Variants in PIK3R4 observed in about 807,000 individuals in gnomAD.
The protein encoded by PIK3R4 is phosphoinositide-3-kinase regulatory subunit 4.
Under a neutral mutation model 136.5 loss-of-function variants are expected in PIK3R4, and 46 were observed. The observed-to-expected ratio is 0.34, with a 90% CI of 0.27 to 0.43. PIK3R4 has a LOEUF of 0.43. Among genes scored for constraint, PIK3R4 ranks in the 20% least tolerant of loss-of-function variants. The probability of loss-of-function intolerance (pLI) is 1.00; values close to 1 mark genes in which losing one functional copy is unlikely to be tolerated. For synonymous variants in PIK3R4, 557 were observed against 566.7 expected (o/e 0.98, Z 0.24); for missense variants, 1,331 against 1,649.5 (o/e 0.81, Z 3.35).
Position 130,718,579 on chromosome 3 carries a change from A to G in PIK3R4, c.1982-45T>C, listed in dbSNP as rs527865031. On this transcript the variant is annotated intron_variant, in intron 7 of 19. Coordinates refer to ENST00000356763, the MANE Select transcript of PIK3R4 (RefSeq NM_014602.3). ...GTAGGGATCAAATAAGTTATTTCAA[A>G]CTATCGGGATAAACAAATTTTTACC... is the stretch of plus-strand genomic sequence containing the variant. 2.5e-6 allele frequency: 4 copies of G among 1,602,224 alleles called. No individual in the cohort carries two copies. The African/African-American group carries it at 5.4e-5, about 21-fold the overall frequency.
In PIK3R4 at chr3:130,733,863, C is replaced by G. The variant is rs1429832825; in HGVS notation, c.1135G>C (p.Val379Leu). The change falls in exon 4 of 20, where the codon GTA becomes CTA. Residue 379 changes from valine (V) to leucine (L), a missense_variant. Val to Leu is a conservative substitution (Grantham distance 32). This residue lies in a region of PIK3R4 where 1,180 missense variants were observed against 1,407.0 expected (regional missense o/e 0.84). Transcript: ENST00000356763. ...EPKENGLVIL[V>L]SVITSCLQTL... Reference sequence around the variant, plus strand: ...TGTAGGCAGGATGTTATAACAGATACCAAGATAACCAGCCCATTTTCCTTA... The same window carrying G: ...TGTAGGCAGGATGTTATAACAGATAGCAAGATAACCAGCCCATTTTCCTTA... 1 of 1,614,128 alleles carries G rather than the reference C, an allele frequency of 6.2e-7. No homozygotes were observed.
Position 130,744,596 on chromosome 3 carries a change from A to T in PIK3R4, c.623T>A (p.Phe208Tyr), listed in dbSNP as rs752070041. Residue 208 changes from phenylalanine (F) to tyrosine (Y), a missense_variant, in exon 2 of 20, where the codon TTT becomes TAT. Phe to Tyr is a conservative substitution (Grantham distance 22). Transcript: ENST00000356763. Reference protein sequence around the residue: ...APERFVDGGMFATELEYMRDP... With the variant: ...APERFVDGGMYATELEYMRDP... ...TCTCATATATTCTAACTCAGTGGCA[A>T]ACATCCCACCATCAACAAAACGTTC... 1 of 1,614,238 alleles carries T rather than the reference A, an allele frequency of 6.2e-7. No individual in the cohort carries two copies.
rs927099838 is a variant in PIK3R4 at position 130,733,567 on chromosome 3, G to A, written c.1431C>T (p.Ile477=). The A allele has an allele frequency of 1.9e-6, 3 of 1,611,020 alleles. No individual in the cohort carries two copies. Among genetic ancestry groups the A allele is most frequent in the Admixed American group, 1.7e-5 (1 of 60,014 alleles). Reference sequence around the variant, plus strand: ...TCTTACCAGCATAGGCTAGTCTAACGATAGTAGCATCATCTTGGGCTAAGT... The same window carrying A: ...TCTTACCAGCATAGGCTAGTCTAACAATAGTAGCATCATCTTGGGCTAAGT... ...IAHLAQDDAT[I]VRLAYAENIA... The change falls in exon 4 of 20, where the codon ATC becomes ATT. Residue 477 remains isoleucine (I), a synonymous_variant. Transcript: ENST00000356763.
chr3:130,718,306 A>T (rs2066678025), intron 8 of PIK3R4, 83 bp downstream of exon 8: 2 of 1,184,950 alleles, frequency 1.7e-6, no homozygotes, highest in Non-Finnish European at 2.4e-6. Flanking sequence ...AAAAAATGTT[A>T]AGAAAAATAG....
intron 7 of PIK3R4, 64 bp downstream of exon 7, chr3:130,723,350 T>C: frequency 7.1e-7 from 1 of 1,402,776 alleles, no homozygotes; most frequent in Non-Finnish European, 9.8e-7. Flanking sequence ...CAATTCTTTA[T>C]ATTACCTAGA....
intron 4 of PIK3R4, among the ~76,000 whole-genome samples, chr3:130,731,099 A>G (rs1219950673): frequency 8.5e-5 from 13 of 152,110 alleles, no homozygotes; most frequent in Non-Finnish European, 1.5e-4. Flanking sequence ...CACCACTACA[A>G]AATAACTACT....
intron 13 of PIK3R4, among the ~76,000 whole-genome samples, chr3:130,694,343 TG>T (rs1016327763): frequency 5.9e-5 from 9 of 152,098 alleles, no homozygotes; most frequent in African/African-American, 2.2e-4. Context: ...TCCATAGAGA[TG>T]GCATCGCATC....
chr3:130,695,068 G>A (rs907057301), intron 13 of PIK3R4, among the ~76,000 whole-genome samples: 1 of 151,978 alleles, frequency 6.6e-6, no homozygotes, highest in Non-Finnish European at 1.5e-5. Context: ...TATTAATATG[G>A]TACATTCATT....
intron 6 of PIK3R4, among the ~76,000 whole-genome samples, chr3:130,724,270 T>C (rs2066719572): frequency 6.6e-6 from 1 of 152,188 alleles, no homozygotes; most frequent in Non-Finnish European, 1.5e-5. Flanking sequence ...TTCCTGAAAT[T>C]GCTCAAGAAA....
chr3:130,680,363 T>C (rs1021592483), intron 19 of PIK3R4, among the ~76,000 whole-genome samples: 14 of 152,216 alleles, frequency 9.2e-5, no homozygotes, highest in South Asian at 2.1e-4. Flanking sequence ...AAGAGGATAA[T>C]AAAAGTGCTT....
At chr3:130,703,920 T>G in intron 12 of PIK3R4, 32 bp from the exon 13 acceptor site, 1 of 1,503,782 alleles carries the variant, frequency 6.6e-7, no homozygotes, top group Non-Finnish European at 9.1e-7. Context: ...TATCATAAAC[T>G]GTAGTTTACA....
intron 9 of PIK3R4, 128 bp downstream of exon 9, chr3:130,716,268 C>G: frequency 1.4e-6 from 1 of 701,358 alleles, no homozygotes; most frequent in Non-Finnish European, 2.4e-6. Flanking sequence ...AAGATGTTTG[C>G]CAGATTTACT....
intron 2 of PIK3R4, among the ~76,000 whole-genome samples, chr3:130,738,916 T>C (rs546922791): frequency 2.0e-5 from 3 of 152,366 alleles, no homozygotes; most frequent in East Asian, 3.9e-4. Flanking sequence ...GCTGAGGTCC[T>C]ACTGTTGAAT....
intron 1 of PIK3R4, 37 bp downstream of exon 1, chr3:130,746,279 CAT>C (rs1453127764): frequency 6.6e-6 from 1 of 152,188 alleles, no homozygotes; most frequent in Non-Finnish European, 1.5e-5. Flanking sequence ...AAATGCCACA[CAT>C]ATACACACAC....
In PIK3R4 at chr3:130,681,584, C is replaced by A; in HGVS notation, c.3615G>T (p.Gln1205His). 3 of 1,598,696 alleles carry A rather than the reference C, an allele frequency of 1.9e-6. No individual in the cohort carries two copies. The highest frequency in any genetic ancestry group is 2.6e-6 in the Non-Finnish European group (3 of 1,166,514). ...LYQSWVIAAV[Q>H]GNNEVSMWDM... ...CCCACATGGACACTTCGTTGTTGCC[C>A]TGAACAGCTAAAGGAAACAAAGGCC... The change falls in exon 17 of 20, where the codon CAG becomes CAT. Residue 1205 changes from glutamine to histidine, a missense_variant. By Grantham distance (24) the Gln-to-His change is conservative. This residue lies in a region of PIK3R4 where 1,180 missense variants were observed against 1,407.0 expected (regional missense o/e 0.84). Coordinates refer to ENST00000356763, the MANE Select transcript of PIK3R4 (RefSeq NM_014602.3).
intron 9 of PIK3R4, among the ~76,000 whole-genome samples, chr3:130,714,299 G>A (rs536700892): frequency 9.9e-5 from 15 of 152,204 alleles, no homozygotes; most frequent in South Asian, 4.1e-4. Flanking sequence ...TATATTCAGC[G>A]ACTGTATTCT....
Position 130,716,383 on chromosome 3 carries a change from A to G in PIK3R4, c.2331+13T>C. The G allele has an allele frequency of 1.2e-6, 2 of 1,602,154 alleles. No individual in the cohort carries two copies. Among genetic ancestry groups the G allele is most frequent in the Non-Finnish European group, 1.7e-6 (2 of 1,171,218 alleles). On this transcript the variant is annotated intron_variant, in intron 9 of 19. Transcript: ENST00000356763. ...TCGCATTTAAATGTAAGACTTTGGA[A>G]GGGTGATACAACCTGTGAGAGCAAC...
intron 13 of PIK3R4, among the ~76,000 whole-genome samples, chr3:130,692,097 G>T (rs956254844): frequency 6.6e-6 from 1 of 151,772 alleles, no homozygotes; most frequent in African/African-American, 2.4e-5. Flanking sequence ...GAATGGTCTC[G>T]ATCTCCCAAC....
chr3:130,736,068 A>T, intron 2 of PIK3R4, 66 bp from the exon 3 acceptor site: 1 of 1,313,168 alleles, frequency 7.6e-7, no homozygotes, highest in Non-Finnish European at 1.0e-6. Context: ...ATAGATTGAG[A>T]ACTCAGACAG....
Sources: gnomAD v4.1 joint callset for allele counts (sites outside exome capture counted in the v4.1 genomes callset) on GRCh38, gnomAD v4.1.1 for gene constraint, gnomAD v4.1.1 regional missense constraint, MANE v1.5 for transcripts, NCBI Gene and HGNC (gene_info 2026-07-23, HGNC 2026-07-21) for gene names.